The following GRID2 variants were observed in gnomAD, a reference collection of about 807,000 sequenced individuals.
The protein encoded by GRID2 is glutamate ionotropic receptor delta type subunit 2, also known as glutamate receptor ionotropic, delta-2.
Under a neutral mutation model 114.8 loss-of-function variants are expected in GRID2, and 33 were observed. The observed-to-expected ratio is 0.29, with a 90% CI of 0.22 to 0.38. The LOEUF is 0.38. GRID2 is among the 10% of genes least tolerant of loss of function. The pLI is 1.00. For missense variants in GRID2, 1,184 were observed against 1,257.7 expected (o/e 0.94, Z 0.89); for synonymous variants, 505 against 449.9 (o/e 1.12, Z -1.55).
Position 93,592,382 on chromosome 4 carries a change from A to T in GRID2, c.2194-33887A>T, listed in dbSNP as rs533805415. ...ATGAGCGATTTTGAGTGAGATTCTT[A>T]ATCCTGAGTTCTAATTTGATTGCAC... On this transcript the variant is annotated intron_variant, in intron 13 of 15. Transcript: ENST00000282020. Among the ~76,000 whole-genome samples, 36 of 152,316 alleles carry T rather than the reference A, an allele frequency of 2.4e-4. No homozygotes were observed. The South Asian group carries it at 5.8e-3, about 25-fold the overall frequency.
chr4:93,448,180 C>G (rs1044690888), intron 10 of GRID2, among the ~76,000 whole-genome samples: 1 of 151,474 alleles, frequency 6.6e-6, no homozygotes, highest in Non-Finnish European at 1.5e-5. Context: ...AATAGGATAT[C>G]GTAATGCACT....
intron 2 of GRID2, among the ~76,000 whole-genome samples, chr4:93,075,883 C>CTGTTTTTTTTT (rs1490779668): frequency 1.3e-5 from 1 of 76,606 alleles, no homozygotes; most frequent in African/African-American, 5.3e-5. Context: ...AGTTACCTCT[C>CTGTTTTTTTTT]TTTTTTTTTT....
intron 1 of GRID2, among the ~76,000 whole-genome samples, chr4:92,374,425 C>T (rs559255416): frequency 6.6e-6 from 1 of 152,044 alleles, no homozygotes; most frequent in Non-Finnish European, 1.5e-5. Flanking sequence ...TGGACCAAGC[C>T]AGTGCATTTC....
At chr4:93,568,570 A>T (rs1290991144) in intron 13 of GRID2, among the ~76,000 whole-genome samples, 2 of 152,214 alleles carry the variant, frequency 1.3e-5, no homozygotes, top group East Asian at 3.8e-4. Context: ...ATAATAATGG[A>T]TAGAAAACAA....
intron 8 of GRID2, among the ~76,000 whole-genome samples, chr4:93,357,297 ATTAT>A (rs1339294156): frequency 6.6e-6 from 1 of 151,548 alleles, no homozygotes; most frequent in Non-Finnish European, 1.5e-5. Flanking sequence ...GCCTTAGCTA[ATTAT>A]TTATTTCATT....
chr4:93,226,500 T>A (rs1473034890), intron 7 of GRID2, among the ~76,000 whole-genome samples: 3 of 152,224 alleles, frequency 2.0e-5, no homozygotes, highest in Non-Finnish European at 2.9e-5. Flanking sequence ...TTTTACACCA[T>A]GTCCTCATTT....
chr4:92,789,448 T>C (rs1156471170), intron 2 of GRID2, among the ~76,000 whole-genome samples: 1 of 151,882 alleles, frequency 6.6e-6, no homozygotes, highest in Non-Finnish European at 1.5e-5. Context: ...TAGATTATCT[T>C]ACTCTGTTTG....
chr4:92,800,328 A>C (rs1431332758), intron 2 of GRID2, among the ~76,000 whole-genome samples: 1 of 151,492 alleles, frequency 6.6e-6, no homozygotes, highest in African/African-American at 2.4e-5. Context: ...GGAAGGAAGG[A>C]AAGAAAAAAA....
At chr4:93,261,997 C>A (rs2149550827) in intron 8 of GRID2, among the ~76,000 whole-genome samples, 1 of 151,684 alleles carries the variant, frequency 6.6e-6, no homozygotes, top group Middle Eastern at 3.4e-3. Context: ...GACCCCTGAT[C>A]TTATCCGTCC....
At chr4:92,327,687 T>A (rs1048740809) in intron 1 of GRID2, among the ~76,000 whole-genome samples, 1 of 152,050 alleles carries the variant, frequency 6.6e-6, no homozygotes, top group Non-Finnish European at 1.5e-5. Context: ...ACTGTTATAG[T>A]TTCACATTTT....
At chr4:92,809,120 G>A (rs1378722151) in intron 2 of GRID2, among the ~76,000 whole-genome samples, 1 of 151,780 alleles carries the variant, frequency 6.6e-6, no homozygotes, top group African/African-American at 2.4e-5. Context: ...CTCTTCAAAA[G>A]CATCACATTT....
At chr4:93,694,573 A>C (rs1726848057) in intron 14 of GRID2, among the ~76,000 whole-genome samples, 1 of 152,206 alleles carries the variant, frequency 6.6e-6, no homozygotes, top group Non-Finnish European at 1.5e-5. Flanking sequence ...CCATGATTTT[A>C]AAATACAAAC....
intron 2 of GRID2, among the ~76,000 whole-genome samples, chr4:93,038,328 C>A: frequency 6.6e-6 from 1 of 151,810 alleles, no homozygotes; most frequent in East Asian, 1.9e-4. Flanking sequence ...AAAAAACAAC[C>A]CCATCAAAAA....
intron 11 of GRID2, 71 bp downstream of exon 11, chr4:93,456,045 T>C (rs1723158358): frequency 1.1e-6 from 1 of 883,188 alleles, no homozygotes; most frequent in Admixed American, 1.8e-5. Context: ...ATGTATTCAG[T>C]TAATAAGGTT....
chr4:92,441,206 T>G (rs953658735), intron 1 of GRID2, among the ~76,000 whole-genome samples: 4 of 152,138 alleles, frequency 2.6e-5, no homozygotes, highest in Admixed American at 1.3e-4. Context: ...TGTTTGGGTT[T>G]GAGAGATCGG....
chr4:93,575,238 T>C (rs560723860), intron 13 of GRID2, among the ~76,000 whole-genome samples: 107 of 152,276 alleles, frequency 7.0e-4, no homozygotes, highest in Middle Eastern at 3.4e-3. Flanking sequence ...AATGTAACAG[T>C]CTACACACAA....
At chr4:93,737,569 T>A (rs1731033025) in intron 14 of GRID2, among the ~76,000 whole-genome samples, 1 of 151,842 alleles carries the variant, frequency 6.6e-6, no homozygotes, top group Non-Finnish European at 1.5e-5. Flanking sequence ...TATAAAAAAT[T>A]AAAAAATAAA....
At chr4:93,004,938 T>A (rs1721356035) in intron 2 of GRID2, among the ~76,000 whole-genome samples, 1 of 152,076 alleles carries the variant, frequency 6.6e-6, no homozygotes, top group Non-Finnish European at 1.5e-5. Flanking sequence ...TTTCTTTGTC[T>A]TTGTTTTTTC....
intron 2 of GRID2, among the ~76,000 whole-genome samples, chr4:93,058,001 CT>C (rs34065338): frequency 1.4e-5 from 2 of 141,926 alleles, no homozygotes; most frequent in South Asian, 4.5e-4. Context: ...ACTTTACTGA[CT>C]TTTTTTCATT....
Sources: gnomAD v4.1 joint callset for allele counts (sites outside exome capture counted in the v4.1 genomes callset) on GRCh38, gnomAD v4.1.1 for gene constraint, MANE v1.5 for transcripts, NCBI Gene and HGNC (gene_info 2026-07-23, HGNC 2026-07-21) for gene names.